Variants in CCDC57 observed in about 807,000 individuals in gnomAD.
CCDC57 encodes the protein coiled-coil domain-containing protein 57.
In CCDC57, 118 loss-of-function variants were observed where a neutral mutation model predicts 118.9. The ratio of observed to expected loss-of-function variants is 0.99; its 90% CI spans 0.86 to 1.16. CCDC57 has a LOEUF of 1.16. CCDC57 is among the 50% of genes most tolerant of loss of function. The probability of loss-of-function intolerance (pLI) is 0.00; values close to 1 mark genes in which losing one functional copy is unlikely to be tolerated. For synonymous variants in CCDC57, 527 were observed against 532.9 expected, an observed-to-expected ratio of 0.99 and a Z score of 0.15; for missense variants, 1,300 against 1,320.7, an observed-to-expected ratio of 0.98 and a Z score of 0.24.
chr17:82,140,577 C>T (rs2039883948), intron 16 of CCDC57, among the ~76,000 whole-genome samples: 1 of 152,204 alleles, frequency 6.6e-6, no homozygotes, highest in African/African-American at 2.4e-5. Context: ...TTGTTGAGTA[C>T]TCTTACTTTC....
intron 4 of CCDC57, 43 bp downstream of exon 3, chr17:82,198,271 G>A: frequency 2.5e-6 from 3 of 1,191,790 alleles, no homozygotes; most frequent in Non-Finnish European, 3.7e-6. Flanking sequence ...ACAGTGGGCA[G>A]GCAGGGAAAG....
In CCDC57 at chr17:82,205,299, G is replaced by A. The variant is rs987825559; in HGVS notation, c.-9+2548C>T. 5.2e-4 allele frequency among the ~76,000 whole-genome samples: 79 copies of A among 152,298 alleles called. 1 individual carries two copies. Among genetic ancestry groups the A allele is most frequent in the South Asian group, 2.1e-4 (1 of 4,826 alleles). The stretch of plus-strand genomic sequence containing the variant: ...TCTCTGAGGGACTGCTGTGGCCCCC[G>A]TCCTGTACCAGCTGCCCTGCCACTG... On this transcript the variant is annotated intron_variant, in intron 2 of 19. Transcript: ENST00000665763.
chr17:82,167,128 C>T (rs979804741), intron 13 of CCDC57, among the ~76,000 whole-genome samples: 5 of 152,038 alleles, frequency 3.3e-5, no homozygotes, highest in Admixed American at 6.6e-5. Flanking sequence ...AAAACACAGC[C>T]TCAGGGACCA....
At chr17:82,186,597 T>TG (rs956415336) in intron 8 of CCDC57, among the ~76,000 whole-genome samples, 6 of 152,172 alleles carry the variant, frequency 3.9e-5, no homozygotes, top group Non-Finnish European at 8.8e-5. Context: ...CTTAACTTCC[T>TG]GGTACTGTGT....
At chr17:82,174,738 T>A (rs1269170032) in intron 11 of CCDC57, among the ~76,000 whole-genome samples, 2 of 152,276 alleles carry the variant, frequency 1.3e-5, no homozygotes, top group East Asian at 3.8e-4. Flanking sequence ...GTACCGTTGC[T>A]TTTTGTAACC....
rs778868800 is a variant in CCDC57, at chr17:82,201,745, C to T, written c.200G>A (p.Arg67Gln). The change falls in exon 3 of 20, where the codon CGG (arginine) becomes CAG (glutamine). Residue 67 changes from arginine to glutamine, a missense_variant. By Grantham distance (43) the Arg-to-Gln change is conservative. Coordinates refer to ENST00000665763, the Ensembl canonical transcript of CCDC57. The stretch of plus-strand genomic sequence containing the variant: ...GTCATAGCGCTCCAGCTCGAGGTCC[C>T]GCTCCTCCAGCACCTGAAGGTTGTA... 21 of 1,613,976 alleles carry T rather than the reference C, an allele frequency of 1.3e-5. No individual in the cohort carries two copies. Among genetic ancestry groups the T allele is most frequent in the Non-Finnish European group, 1.7e-5 (20 of 1,179,866 alleles).
intron 11 of CCDC57, among the ~76,000 whole-genome samples, chr17:82,173,671 A>G (rs2045069881): frequency 6.6e-6 from 1 of 152,248 alleles, no homozygotes; most frequent in Admixed American, 6.5e-5. Context: ...CAAACAGCAC[A>G]TAATCAAGCT....
At chr17:82,122,569 G>T (rs946196971) in intron 19 of CCDC57, among the ~76,000 whole-genome samples, 5 of 147,024 alleles carry the variant, frequency 3.4e-5, no homozygotes, top group African/African-American at 1.0e-4. Context: ...GCCACTGCCT[G>T]CCCAGCTGCC....
chr17:82,154,263 G>A (rs1398458018), intron 15 of CCDC57: 1 of 152,342 alleles, frequency 6.6e-6, no homozygotes, highest in Middle Eastern at 3.2e-3. Flanking sequence ...CTCTGCCATG[G>A]GAGAAGTGGG....
At chr17:82,171,705 C>A (rs373897877) in exon 13 of CCDC57, 19 of 1,609,828 alleles carry the variant, frequency 1.2e-5, no homozygotes, top group Non-Finnish European at 1.4e-5. Context: ...ACTTACCAGT[C>A]GTCTCTGTCG....
intron 14 of CCDC57, chr17:82,160,192 C>T (rs915549325): frequency 6.6e-6 from 1 of 152,210 alleles, no homozygotes; most frequent in Admixed American, 6.5e-5. Context: ...TGTTATGTCG[C>T]CTCACAAGGA....
intron 3 of CCDC57, among the ~76,000 whole-genome samples, chr17:82,201,096 T>C (rs2048940858): frequency 6.6e-6 from 1 of 152,158 alleles, no homozygotes; most frequent in Admixed American, 6.6e-5. Flanking sequence ...GTGGTTGAGT[T>C]CCAGGGGCCC....
intron 19 of CCDC57, chr17:82,126,939 C>CCT (rs2037521337): frequency 1.0e-6 from 1 of 985,270 alleles, no homozygotes; most frequent in Non-Finnish European, 1.2e-6. Context: ...GAAGGACGCA[C>CCT]GCTCCCGCCC....
rs552804328 is a variant in CCDC57, at chr17:82,194,192, G to A, written c.619-53C>T. 3.5e-4 allele frequency: 545 copies of A among 1,561,534 alleles called. 1 individual carries two copies. Among genetic ancestry groups the A allele is most frequent in the Admixed American group, 8.0e-4 (45 of 56,568 alleles). On this transcript the variant is annotated intron_variant, in intron 5 of 19. Transcript: ENST00000665763. ...TGAGGTGATAATTAGAAGACACTGA[G>A]GCATTAGGGGTACATACTGCTGTTT...
At position 82,101,843 on chromosome 17, in the gene CCDC57, C is replaced by T. The variant is rs200933911; in HGVS notation, c.2923G>A (p.Asp975Asn). 3.2e-4 allele frequency: 507 copies of T among 1,578,440 alleles called. 5 individuals carry two copies. In the African/African-American group the frequency reaches 5.8e-3, roughly 18 times the overall value. The stretch of plus-strand genomic sequence containing the variant: ...GCCTGCATCTTGACGGGCCTCCTGT[C>T]GGCTGCTGGAGGAGCTGGGAGCTCT... The change falls in exon 20 of 20, where the codon GAC (aspartate) becomes AAC (asparagine). Residue 975 changes from aspartate to asparagine, a missense_variant. Coordinates refer to ENST00000665763, the Ensembl canonical transcript of CCDC57.
rs2048172911 is a variant in CCDC57 at position 82,195,363 on chromosome 17, TC to T, written c.517del (p.Glu173AsnfsTer24). ...TTTCGATTCAAACTCCAGCAGCAGT[TC>T]CTGGAACAAACAGGTTTCATGATGA... On this transcript the variant is annotated frameshift_variant and splice_region_variant, in exon 5 of 20. Transcript: ENST00000665763. LOFTEE classifies it high-confidence loss of function. 2 of 1,586,582 alleles carry T rather than the reference TC, an allele frequency of 1.3e-6. No individual in the cohort carries two copies. The highest frequency in any genetic ancestry group is 4.6e-5 in the East Asian group (2 of 43,678).
rs1293810197 is a variant in CCDC57, at chr17:82,130,523, G to T, written c.2578-1926C>A. 9.5e-4 allele frequency among the ~76,000 whole-genome samples: 95 copies of T among 100,180 alleles called. 1 individual carries two copies. The highest frequency in any genetic ancestry group is 1.5e-4 in the Non-Finnish European group (8 of 52,856). 65.7% of individuals were successfully genotyped at this position (100,180 alleles called of 152,430 possible). On this transcript the variant is annotated intron_variant, in intron 17 of 19. Transcript: ENST00000665763. ...ACTTTTTTTTTTTTTTTTTTTTTGA[G>T]ATGGAGTCTTGCTTTATCACCTAGG...
intron 1 of CCDC57, among the ~76,000 whole-genome samples, chr17:82,211,837 C>G (rs1240235814): frequency 6.6e-6 from 1 of 152,308 alleles, no homozygotes; most frequent in East Asian, 1.9e-4. Flanking sequence ...GCAAGCTGTA[C>G]CAGCAGCTCC....
At chr17:82,197,927 A>G (rs1428906713) in intron 4 of CCDC57, among the ~76,000 whole-genome samples, 1 of 150,018 alleles carries the variant, frequency 6.7e-6, no homozygotes, top group African/African-American at 2.5e-5. Context: ...CCTGGGCTGA[A>G]TTACACCACC....
Sources: allele counts gnomAD v4.1 joint callset (sites outside exome capture counted in the v4.1 genomes callset), GRCh38; gene constraint gnomAD v4.1.1; transcripts MANE v1.5; gene names NCBI Gene and HGNC (gene_info 2026-07-23, HGNC 2026-07-21).